The following ATF6 variants were observed in gnomAD, a reference collection of about 807,000 sequenced individuals.
The protein encoded by ATF6 is activating transcription factor 6, also known as cyclic AMP-dependent transcription factor ATF-6 alpha.
ATF6 carries 53 observed loss-of-function variants against 83.6 expected under a neutral mutation model. That is an observed-to-expected ratio of 0.63 (90% CI 0.51 to 0.80). The LOEUF (loss-of-function observed/expected upper bound fraction) is 0.80. Ranked by LOEUF, ATF6 falls within the 30% of genes least tolerant of loss-of-function variation. ATF6 has a pLI of 0.00. For synonymous variants in ATF6, 288 were observed against 285.8 expected (o/e 1.01, Z -0.08); for missense variants, 744 against 797.9 (o/e 0.93, Z 0.81).
intron 3 of ATF6, among the ~76,000 whole-genome samples, 161 bp downstream of exon 3, chr1:161,782,160 T>A (rs1684647294): frequency 6.6e-6 from 1 of 152,210 alleles, no homozygotes; most frequent in Non-Finnish European, 1.5e-5. Flanking sequence ...GTAAACAAAT[T>A]TCTTGCCAAA....
At chr1:161,771,395 A>G (rs1464440537) in intron 1 of ATF6, among the ~76,000 whole-genome samples, 3 of 152,166 alleles carry the variant, frequency 2.0e-5, no homozygotes, top group Non-Finnish European at 4.4e-5. Flanking sequence ...CTCCTGGATG[A>G]CACAACTTCC....
At chr1:161,875,506 A>T (rs1244637557) in intron 14 of ATF6, among the ~76,000 whole-genome samples, 2 of 151,826 alleles carry the variant, frequency 1.3e-5, no homozygotes, top group East Asian at 3.8e-4. Context: ...CACAAATCTT[A>T]TCAGAAAAGT....
intron 7 of ATF6, among the ~76,000 whole-genome samples, chr1:161,817,547 G>A (rs1245038578): frequency 2.0e-5 from 3 of 152,118 alleles, no homozygotes; most frequent in African/African-American, 7.2e-5. Context: ...GTGCATGTGC[G>A]TGTTTAGCAT....
intron 1 of ATF6, among the ~76,000 whole-genome samples, chr1:161,770,141 T>C (rs1245031900): frequency 6.6e-6 from 1 of 152,222 alleles, no homozygotes; most frequent in Non-Finnish European, 1.5e-5. Flanking sequence ...TGGTTTTGCC[T>C]TTTGCAGAAT....
At chr1:161,778,484 G>C (rs1327437101) in intron 2 of ATF6, among the ~76,000 whole-genome samples, 164 bp downstream of exon 2, 3 of 152,146 alleles carry the variant, frequency 2.0e-5, no homozygotes, top group Non-Finnish European at 4.4e-5. Flanking sequence ...TTTGTAATCA[G>C]TAAATGTAGG....
At chr1:161,771,216 C>T (rs1684381931) in intron 1 of ATF6, among the ~76,000 whole-genome samples, 1 of 151,952 alleles carries the variant, frequency 6.6e-6, no homozygotes, top group South Asian at 2.1e-4. Flanking sequence ...CCCTCCTCCT[C>T]CTCCTTTCTC....
chr1:161,886,677 C>T (rs760696994), intron 14 of ATF6, among the ~76,000 whole-genome samples: 3 of 152,176 alleles, frequency 2.0e-5, no homozygotes, highest in African/African-American at 4.8e-5. Context: ...ATAGTACATG[C>T]GGTCCATTGT....
In ATF6 at chr1:161,792,136, C is replaced by T. The variant is rs780422475; in HGVS notation, c.497C>T (p.Thr166Ile). The T allele has an allele frequency of 4.3e-6, 7 of 1,613,746 alleles. No individual in the cohort carries two copies. The highest frequency in any genetic ancestry group is 5.9e-6 in the Non-Finnish European group (7 of 1,179,980). Residue 166 changes from threonine (T) to isoleucine (I), a missense_variant, in exon 6 of 16, where the codon ACT becomes ATT. Physicochemically the swap from Thr to Ile is moderately conservative, Grantham distance 89 (BLOSUM62 -1). Transcript: ENST00000367942. Reference protein sequence around the residue: ...GPRNKTENGLTPKKKIQVNSK... With the variant: ...GPRNKTENGLIPKKKIQVNSK... ...GGTTTTTCTCCAGAAAATGGACTGA[C>T]TCCAAAGAAAAAAATTCAGGTGAAT...
intron 3 of ATF6, among the ~76,000 whole-genome samples, chr1:161,783,481 T>G (rs772910125): frequency 2.6e-5 from 4 of 152,200 alleles, no homozygotes; most frequent in Non-Finnish European, 5.9e-5. Context: ...TTAAAAGATA[T>G]GAACATTTTT....
intron 14 of ATF6, among the ~76,000 whole-genome samples, chr1:161,869,526 G>GA (rs1004334277): frequency 2.0e-5 from 3 of 151,272 alleles, no homozygotes; most frequent in South Asian, 4.2e-4. Flanking sequence ...ATTCTAGCTG[G>GA]AAAAAAAAGT....
At chr1:161,885,500 G>A (rs973975853) in intron 14 of ATF6, among the ~76,000 whole-genome samples, 7 of 151,924 alleles carry the variant, frequency 4.6e-5, no homozygotes, top group Non-Finnish European at 1.0e-4. Flanking sequence ...CTATTGATGG[G>A]AGGAAAAAAG....
intron 9 of ATF6, chr1:161,840,004 A>G (rs1686318228): frequency 6.6e-6 from 1 of 152,234 alleles, no homozygotes; most frequent in Admixed American, 6.5e-5. Flanking sequence ...CAGAGGTGAC[A>G]TAATAATCTG....
At chr1:161,879,188 T>C (rs970920484) in intron 14 of ATF6, among the ~76,000 whole-genome samples, 1 of 152,108 alleles carries the variant, frequency 6.6e-6, no homozygotes, top group Non-Finnish European at 1.5e-5. Context: ...GTTTCTGTTT[T>C]CCCAGTGAAG....
At chr1:161,870,175 C>T (rs1033235392) in intron 14 of ATF6, among the ~76,000 whole-genome samples, 10 of 151,760 alleles carry the variant, frequency 6.6e-5, no homozygotes, top group African/African-American at 2.4e-4. Flanking sequence ...ATTCATTACA[C>T]AACTTCAAAA....
intron 9 of ATF6, among the ~76,000 whole-genome samples, chr1:161,842,678 A>C (rs1014372547): frequency 1.3e-5 from 2 of 152,194 alleles, no homozygotes; most frequent in African/African-American, 4.8e-5. Context: ...AGGTGCACCA[A>C]AATATCACAG....
At chr1:161,782,050 G>C in intron 3 of ATF6, 51 bp downstream of exon 3, 1 of 1,353,926 alleles carries the variant, frequency 7.4e-7, no homozygotes, top group Non-Finnish European at 1.0e-6. Flanking sequence ...ATTTTATTTT[G>C]TAGTTTGGTC....
intron 13 of ATF6, among the ~76,000 whole-genome samples, chr1:161,862,880 G>A (rs146064075): frequency 1.2e-4 from 18 of 152,152 alleles, no homozygotes; most frequent in East Asian, 9.6e-4. Flanking sequence ...ATTAAAAATC[G>A]TTCAAACCTA....
At chr1:161,915,741 C>T (rs573386599) in intron 15 of ATF6, among the ~76,000 whole-genome samples, 1 of 151,908 alleles carries the variant, frequency 6.6e-6, no homozygotes, top group South Asian at 2.1e-4. Context: ...TCTCCCACTT[C>T]AGCCTCCCGA....
intron 15 of ATF6, among the ~76,000 whole-genome samples, chr1:161,928,630 A>ATT (rs1321180304): frequency 1.0e-3 from 135 of 134,636 alleles, no homozygotes; most frequent in African/African-American, 1.6e-3. Context: ...TTTTTTTTAA[A>ATT]AAAAAAAGCA....
Sources: gnomAD v4.1 joint callset for allele counts (sites outside exome capture counted in the v4.1 genomes callset) on GRCh38, gnomAD v4.1.1 for gene constraint, MANE v1.5 for transcripts, NCBI Gene and HGNC (gene_info 2026-07-23, HGNC 2026-07-21) for gene names.